The following REEP1 variants were observed in gnomAD, a reference collection of about 807,000 sequenced individuals.
REEP1 encodes receptor expression-enhancing protein 1.
REEP1 carries 22 observed loss-of-function variants against 40.3 expected under a neutral mutation model. That is an observed-to-expected ratio of 0.55 (90% CI 0.39 to 0.78). The LOEUF is 0.78. Among genes scored for constraint, REEP1 ranks in the 30% least tolerant of loss-of-function variants. The probability of loss-of-function intolerance (pLI) is 0.00; values close to 1 mark genes in which losing one functional copy is unlikely to be tolerated. For synonymous variants in REEP1, 116 were observed against 139.2 expected, an observed-to-expected ratio of 0.83 and a Z score of 1.17; for missense variants, 280 against 361.1, an observed-to-expected ratio of 0.78 and a Z score of 1.82.
chr2:86,295,729 C>T (rs536754436), intron 1 of REEP1, among the ~76,000 whole-genome samples: 8 of 152,216 alleles, frequency 5.3e-5, no homozygotes, highest in South Asian at 2.1e-4. Flanking sequence ...TTAGTAGAGA[C>T]GGGGTTTCAC....
intron 1 of REEP1, among the ~76,000 whole-genome samples, chr2:86,293,877 T>C (rs1678850103): frequency 6.6e-6 from 1 of 152,224 alleles, no homozygotes; most frequent in Non-Finnish European, 1.5e-5. Context: ...TTACTCACAA[T>C]AGCCAAAAGA....
chr2:86,327,629 G>A (rs556388367), intron 1 of REEP1, among the ~76,000 whole-genome samples: 240 of 151,012 alleles, frequency 1.6e-3, no homozygotes, highest in Admixed American at 3.6e-3. Flanking sequence ...GTACAGTGGC[G>A]TGATCTCGGC....
intron 7 of REEP1, among the ~76,000 whole-genome samples, chr2:86,225,889 G>A (rs916609764): frequency 1.3e-5 from 2 of 152,206 alleles, no homozygotes; most frequent in African/African-American, 4.8e-5. Context: ...ATTAGTCCAG[G>A]ACCCTCACTA....
intron 3 of REEP1, among the ~76,000 whole-genome samples, chr2:86,262,452 A>G (rs1235390369): frequency 6.6e-6 from 1 of 152,218 alleles, no homozygotes; most frequent in Non-Finnish European, 1.5e-5. Flanking sequence ...GAATTAGGAA[A>G]TCCATACTCC....
At position 86,237,908 on chromosome 2, in the gene REEP1, G is replaced by A. The variant is rs148878102; in HGVS notation, c.418-5106C>T. On this transcript the variant is annotated intron_variant, in intron 5 of 8. Transcript: ENST00000538924. ...GAAGAAATAAACATTCTGGCTGGGCGCAGTGGCTCATGCCTGTAATCCCAG... is the reference window on the plus strand; with the variant it reads ...GAAGAAATAAACATTCTGGCTGGGCACAGTGGCTCATGCCTGTAATCCCAG... 1.3e-3 allele frequency among the ~76,000 whole-genome samples: 192 copies of A among 152,274 alleles called. 1 individual carries two copies. Among genetic ancestry groups the A allele is most frequent in the African/African-American group, 3.8e-3 (159 of 41,562 alleles).
chr2:86,282,328 T>C (rs1678141486), intron 1 of REEP1, 86 bp from the exon 2 acceptor site: 1 of 1,014,602 alleles, frequency 9.9e-7, no homozygotes, highest in South Asian at 1.3e-5. Context: ...CAAGAGCAAC[T>C]CTCTAAGCTA....
intron 5 of REEP1, among the ~76,000 whole-genome samples, chr2:86,237,896 T>C (rs1675446455): frequency 6.6e-6 from 1 of 152,062 alleles, no homozygotes; most frequent in Non-Finnish European, 1.5e-5. Context: ...GAAATAAACA[T>C]TCTGGCTGGG....
Position 86,217,117 on chromosome 2 carries a change from G to C in REEP1, c.784-7C>G. ...GAAGGATTCTAGGCGGTGCCTGGTAGAGAAAACAGAAAGGTGTCCCTCAGT... is the reference window on the plus strand; with the variant it reads ...GAAGGATTCTAGGCGGTGCCTGGTACAGAAAACAGAAAGGTGTCCCTCAGT... On this transcript the variant is annotated splice_region_variant and splice_polypyrimidine_tract_variant and intron_variant, in intron 8 of 8. Coordinates refer to ENST00000538924, the MANE Select transcript of REEP1 (RefSeq NM_001371279.1). 1.2e-6 allele frequency: 2 copies of C among 1,612,882 alleles called. No individual in the cohort carries two copies. Among genetic ancestry groups the C allele is most frequent in the Non-Finnish European group, 1.7e-6 (2 of 1,178,870 alleles).
chr2:86,221,538 C>T (rs988986601), intron 7 of REEP1, among the ~76,000 whole-genome samples: 1 of 152,192 alleles, frequency 6.6e-6, no homozygotes, highest in Non-Finnish European at 1.5e-5. Flanking sequence ...TCGCTGAATA[C>T]TCTGACCCTC....
chr2:86,228,747 C>T (rs934175324), intron 6 of REEP1, among the ~76,000 whole-genome samples: 3 of 152,136 alleles, frequency 2.0e-5, no homozygotes, highest in South Asian at 4.1e-4. Context: ...CGTGAGTCAC[C>T]GCGCCTGGCA....
chr2:86,255,522 C>A (rs1426892685), intron 3 of REEP1, among the ~76,000 whole-genome samples: 4 of 152,162 alleles, frequency 2.6e-5, no homozygotes, highest in South Asian at 2.1e-4. Context: ...TTTGTCCCCC[C>A]ACAGGCAGGC....
At chr2:86,236,537 T>G (rs927779895) in intron 5 of REEP1, among the ~76,000 whole-genome samples, 1 of 152,042 alleles carries the variant, frequency 6.6e-6, no homozygotes, top group Non-Finnish European at 1.5e-5. Context: ...AGAAGGCCCA[T>G]CTGGTGGTGC....
chr2:86,216,853 A>G lies in REEP1; in HGVS notation c.*186T>C. The G allele has an allele frequency of 1.8e-6, 1 of 546,812 alleles. No homozygotes were observed. Among genetic ancestry groups the G allele is most frequent in the Non-Finnish European group, 3.3e-6 (1 of 304,830 alleles). The allele number at this position is 546,812 out of a possible 1,614,324, so 33.9% of individuals were successfully genotyped here. A position where few individuals can be genotyped will look rare whatever the true frequency, so the allele number is the denominator to read the frequency against. On this transcript the variant is annotated 3_prime_UTR_variant, in exon 9 of 9. Transcript: ENST00000538924. The stretch of plus-strand genomic sequence containing the variant: ...CTACCTTTCCCTTTAGCCTCTCCCC[A>G]GCAAAATAAAGAAAAGGGGGAAAAA...
chr2:86,276,790 C>A (rs2104372148), intron 2 of REEP1, among the ~76,000 whole-genome samples: 1 of 151,440 alleles, frequency 6.6e-6, no homozygotes, highest in Non-Finnish European at 1.5e-5. Flanking sequence ...GTCCGTGGAC[C>A]AGCACTGTTG....
At chr2:86,245,304 A>T (rs550233170) in intron 5 of REEP1, among the ~76,000 whole-genome samples, 1 of 152,326 alleles carries the variant, frequency 6.6e-6, no homozygotes, top group Admixed American at 6.5e-5. Context: ...AAAGCCTCCT[A>T]ACTGCCATCA....
intron 2 of REEP1, among the ~76,000 whole-genome samples, chr2:86,269,931 A>G (rs1357991627): frequency 6.6e-6 from 1 of 152,138 alleles, no homozygotes; most frequent in Non-Finnish European, 1.5e-5. Flanking sequence ...CAAGATATAT[A>G]TCTGATACAG....
In REEP1 at chr2:86,313,136, G is replaced by A. The variant is rs374593043; in HGVS notation, c.32+24343C>T. Among the ~76,000 whole-genome samples, 37 of 152,160 alleles carry A rather than the reference G, an allele frequency of 2.4e-4. 2 individuals carry two copies. The East Asian group carries it at 4.6e-3, about 19-fold the overall frequency. On this transcript the variant is annotated intron_variant, in intron 1 of 8. Transcript: ENST00000538924. ...TTATTTTCTTTTATTCTGAGACAGAGTCTTGCTCCGTCACCCAGGCTGGAG... is the reference window on the plus strand; with the variant it reads ...TTATTTTCTTTTATTCTGAGACAGAATCTTGCTCCGTCACCCAGGCTGGAG...
At position 86,337,270 on chromosome 2, in the gene REEP1, G is replaced by A. The variant is rs1042877268; in HGVS notation, c.32+209C>T. 2.2e-5 allele frequency: 6 copies of A among 274,020 alleles called. No individual in the cohort carries two copies. Among genetic ancestry groups the A allele is most frequent in the Non-Finnish European group, 3.3e-5 (5 of 149,668 alleles). The allele number at this position is 274,020 out of a possible 1,614,324, so 17.0% of individuals were successfully genotyped here. A position where few individuals can be genotyped will look rare whatever the true frequency, so the allele number is the denominator to read the frequency against. ...GCCCAGCCCCCCGCAAGCGGCCGCC[G>A]GCGCCGGCTGCCTCCTGGGCAGCAG... On this transcript the variant is annotated intron_variant, in intron 1 of 8. Transcript: ENST00000538924. The surrounding 1 kb of genome is among the most constrained non-coding windows in gnomAD (Gnocchi z 5.8).
chr2:86,249,272 A>G (rs934373752), intron 5 of REEP1, among the ~76,000 whole-genome samples: 2 of 151,684 alleles, frequency 1.3e-5, no homozygotes, highest in African/African-American at 4.8e-5. Context: ...AAAAAAAAAA[A>G]GTGGGAGAAT....
Sources: gnomAD v4.1 joint callset for allele counts (sites outside exome capture counted in the v4.1 genomes callset) on GRCh38, gnomAD v4.1.1 for gene constraint, Gnocchi (gnomAD v3.1) non-coding constraint, MANE v1.5 for transcripts, NCBI Gene and HGNC (gene_info 2026-07-23, HGNC 2026-07-21) for gene names.